TMEM232: variants seen among roughly 807,000 people sequenced by gnomAD.
TMEM232 encodes the protein transmembrane protein 232.
In TMEM232, 80 loss-of-function variants were observed where a neutral mutation model predicts 78.8. The observed-to-expected ratio is 1.01, with a 90% CI of 0.85 to 1.22. The LOEUF (loss-of-function observed/expected upper bound fraction) is 1.22. Ranked by LOEUF, TMEM232 falls within the 50% of genes most tolerant of loss-of-function variation. The pLI is 0.00. For synonymous variants in TMEM232, 297 were observed against 254.3 expected (o/e 1.17, Z -1.60); for missense variants, 881 against 742.2 (o/e 1.19, Z -2.17).
chr5:110,701,008 G>C (rs2150272482), intron 1 of TMEM232, among the ~76,000 whole-genome samples: 1 of 151,890 alleles, frequency 6.6e-6, no homozygotes, highest in African/African-American at 2.4e-5. Context: ...AGGAAATTTA[G>C]ATGAATACCA....
At chr5:110,438,573 G>A (rs1472651735) in intron 12 of TMEM232, among the ~76,000 whole-genome samples, 1 of 151,710 alleles carries the variant, frequency 6.6e-6, no homozygotes, top group Non-Finnish European at 1.5e-5. Flanking sequence ...TATTTTACTA[G>A]GGTGGTAAGG....
intron 11 of TMEM232, among the ~76,000 whole-genome samples, chr5:110,553,080 G>T (rs939418831): frequency 5.3e-5 from 8 of 152,082 alleles, no homozygotes; most frequent in Non-Finnish European, 1.0e-4. Context: ...TCTCTATCTT[G>T]TTCCATTGGT....
chr5:110,667,221 A>G lies in TMEM232; in HGVS notation c.125+7T>C, dbSNP rs1019175968. On this transcript the variant is annotated splice_region_variant and intron_variant, in intron 2 of 13. Coordinates refer to ENST00000455884, the MANE Select transcript of TMEM232 (RefSeq NM_001039763.4). ...CATATGGGTCCTATAATTATTTTCTAGCTTACCTTGATTTATGACCCCTTT... is the reference window on the plus strand; with the variant it reads ...CATATGGGTCCTATAATTATTTTCTGGCTTACCTTGATTTATGACCCCTTT... 25 of 1,538,708 alleles carry G rather than the reference A, an allele frequency of 1.6e-5. No individual in the cohort carries two copies. Among genetic ancestry groups the G allele is most frequent in the Non-Finnish European group, 2.1e-5 (24 of 1,140,088 alleles).
At chr5:110,724,492 T>C (rs1797966015) in intron 1 of TMEM232, among the ~76,000 whole-genome samples, 1 of 152,252 alleles carries the variant, frequency 6.6e-6, no homozygotes, top group Non-Finnish European at 1.5e-5. Context: ...TTTTAATAAA[T>C]CTCAGTTAAT....
chr5:110,618,473 A>C lies in TMEM232; in HGVS notation c.858T>G (p.Leu286=), dbSNP rs1237406900. The C allele has an allele frequency of 2.6e-6, 4 of 1,551,532 alleles. No homozygotes were observed. The South Asian group carries it at 4.8e-5, about 18-fold the overall frequency. The change falls in exon 8 of 14, where the codon CTT becomes CTG. Residue 286 remains leucine, a synonymous_variant. Coordinates refer to ENST00000455884, the MANE Select transcript of TMEM232 (RefSeq NM_001039763.4). ...GTGTCTTATGGAAGACGAGATGTTC[A>C]AGCACGTTATTCAACTGAGGACTGT... ...QNNSPQLNNV[L]EHLVFHKTQL... is the part of the protein sequence containing the mutation.
At chr5:110,605,838 TAG>T in intron 9 of TMEM232, among the ~76,000 whole-genome samples, 1 of 152,076 alleles carries the variant, frequency 6.6e-6, no homozygotes, top group South Asian at 2.1e-4. Context: ...GAAGTGTTGA[TAG>T]AGATTTTATG....
Position 110,516,059 on chromosome 5 carries a change from G to A in TMEM232, c.1703+12529C>T, listed in dbSNP as rs1303071049. Among the ~76,000 whole-genome samples, 3 of 152,138 alleles carry A rather than the reference G, an allele frequency of 2.0e-5. No individual in the cohort carries two copies. The East Asian group carries it at 5.8e-4, about 29-fold the overall frequency. On this transcript the variant is annotated intron_variant, in intron 12 of 13. Transcript: ENST00000455884. ...TCGAGACCATCCTGGCTAACACGGTGAAACCCAGTCCCTACTAAAAACACA... is the reference window on the plus strand; with the variant it reads ...TCGAGACCATCCTGGCTAACACGGTAAAACCCAGTCCCTACTAAAAACACA...
chr5:110,613,894 T>C (rs534099395), intron 8 of TMEM232, among the ~76,000 whole-genome samples: 1 of 152,216 alleles, frequency 6.6e-6, no homozygotes, highest in African/African-American at 2.4e-5. Flanking sequence ...AAGTTGATTT[T>C]AAAATATTTG....
intron 12 of TMEM232, among the ~76,000 whole-genome samples, chr5:110,427,764 C>G (rs1047578301): frequency 6.6e-6 from 1 of 151,886 alleles, no homozygotes; most frequent in Non-Finnish European, 1.5e-5. Context: ...CTGTCTGTGT[C>G]TCTGTCTCCA....
At chr5:110,463,752 C>T (rs1291642691) in intron 12 of TMEM232, among the ~76,000 whole-genome samples, 1 of 152,114 alleles carries the variant, frequency 6.6e-6, no homozygotes, top group African/African-American at 2.4e-5. Flanking sequence ...TTAGTTCTAC[C>T]TTCAAAACAG....
chr5:110,665,636 A>G (rs1483615161), intron 2 of TMEM232, among the ~76,000 whole-genome samples: 2 of 149,440 alleles, frequency 1.3e-5, no homozygotes, highest in Non-Finnish European at 3.0e-5. Context: ...CGGTTATCCA[A>G]TCACCTCCCA....
At chr5:110,665,891 CA>C (rs775392111) in intron 2 of TMEM232, among the ~76,000 whole-genome samples, 8,540 of 63,826 alleles carry the variant, frequency 0.13, 167 homozygotes, top group Admixed American at 0.17. Context: ...CCCATCTCCA[CA>C]AAAAAAAAAA....
chr5:110,391,284 C>A (rs983117182), intron 3 of TMEM232, among the ~76,000 whole-genome samples: 1 of 111,818 alleles, frequency 8.9e-6, no homozygotes, highest in East Asian at 2.9e-4. Flanking sequence ...CTGAGGCTCC[C>A]GTTTGAATGT....
In TMEM232 at chr5:110,736,615, T is replaced by C. The variant is rs139070350; in HGVS notation, c.-126+1378A>G. Among the ~76,000 whole-genome samples, 22 of 152,234 alleles carry C rather than the reference T, an allele frequency of 1.4e-4. No individual in the cohort carries two copies. In the East Asian group the frequency reaches 3.7e-3, roughly 25 times the overall value. On this transcript the variant is annotated intron_variant, in intron 1 of 4. Coordinates refer to the TMEM232 transcript ENST00000512886. Reference sequence around the variant, plus strand: ...TCACTCTAAACCCTTCTCATCTCCATTACACTATCACTCGAGATGAAATTA... The same window carrying C: ...TCACTCTAAACCCTTCTCATCTCCACTACACTATCACTCGAGATGAAATTA...
At chr5:110,722,568 T>TA (rs1489947097) in intron 1 of TMEM232, among the ~76,000 whole-genome samples, 1 of 152,200 alleles carries the variant, frequency 6.6e-6, no homozygotes. Flanking sequence ...TGTGCTCTCA[T>TA]GGAGGCTGGC....
intron 8 of TMEM232, among the ~76,000 whole-genome samples, chr5:110,611,649 TG>T (rs1782295816): frequency 6.6e-6 from 1 of 152,142 alleles, no homozygotes; most frequent in South Asian, 2.1e-4. Context: ...AGACACTGAT[TG>T]GGGCTGCAGC....
intron 12 of TMEM232, among the ~76,000 whole-genome samples, chr5:110,512,933 C>A (rs1399700768): frequency 6.6e-6 from 1 of 152,150 alleles, no homozygotes; most frequent in Non-Finnish European, 1.5e-5. Flanking sequence ...TTTATCACAT[C>A]ATGTTACTAT....
chr5:110,457,140 A>C (rs1342389070), intron 12 of TMEM232, among the ~76,000 whole-genome samples: 1 of 152,164 alleles, frequency 6.6e-6, no homozygotes, highest in African/African-American at 2.4e-5. Context: ...ATTTATATTC[A>C]CTATGCAAGA....
intron 8 of TMEM232, among the ~76,000 whole-genome samples, chr5:110,615,918 T>C (rs1193501480): frequency 6.6e-6 from 1 of 151,600 alleles, no homozygotes; most frequent in Non-Finnish European, 1.5e-5. Context: ...ATAAAAAAAA[T>C]AAAGCCTAAG....
Sources: gnomAD v4.1 joint callset for allele counts (sites outside exome capture counted in the v4.1 genomes callset) on GRCh38, gnomAD v4.1.1 for gene constraint, MANE v1.5 for transcripts, NCBI Gene and HGNC (gene_info 2026-07-23, HGNC 2026-07-21) for gene names.